LYST: variants seen among roughly 807,000 people sequenced by gnomAD.
The protein encoded by LYST is lysosomal trafficking regulator, also known as lysosomal-trafficking regulator.
In LYST, 192 loss-of-function variants were observed where a neutral mutation model predicts 413.6. That is an observed-to-expected ratio of 0.46 (90% CI 0.41 to 0.52). The LOEUF (loss-of-function observed/expected upper bound fraction) is 0.52, where lower values mean the gene tolerates loss of function less well. LYST is among the 20% of genes least tolerant of loss of function. The pLI is 0.00. For missense variants in LYST, 3,815 were observed against 4,499.9 expected, an observed-to-expected ratio of 0.85 and a Z score of 4.35; for synonymous variants, 1,525 against 1,567.3, an observed-to-expected ratio of 0.97 and a Z score of 0.64.
At chr1:235,748,740 T>C (rs536454339) in intron 28 of LYST, among the ~76,000 whole-genome samples, 118 of 152,304 alleles carry the variant, frequency 7.7e-4, no homozygotes, top group African/African-American at 2.8e-3. Flanking sequence ...AAATGGTATC[T>C]AACTCCTCTA....
intron 17 of LYST, 46 bp from the exon 18 acceptor site, chr1:235,775,132 G>C: frequency 6.9e-7 from 1 of 1,440,830 alleles, no homozygotes; most frequent in Non-Finnish European, 9.7e-7. Context: ...AATTTGCTGA[G>C]AGTAAAAATT....
chr1:235,812,824 G>A lies in LYST; in HGVS notation c.283+147C>T, dbSNP rs562188323. 1.8e-3 allele frequency: 1,211 copies of A among 673,094 alleles called. 8 individuals carry two copies. The highest frequency in any genetic ancestry group is 3.0e-3 in the Middle Eastern group (8 of 2,652). The allele number at this position is 673,094 out of a possible 1,614,324, so 41.7% of individuals were successfully genotyped here. On this transcript the variant is annotated intron_variant, in intron 4 of 52. Coordinates refer to ENST00000389793, the MANE Select transcript of LYST (RefSeq NM_000081.4). ...GTATTATTGAAGGAAAAATGTGTTT[G>A]CCTAAATAATTTTTCATATTTAGTA... is the stretch of plus-strand genomic sequence containing the variant.
chr1:235,862,818 C>G (rs981979079), intron 1 of LYST, among the ~76,000 whole-genome samples: 81 of 132,320 alleles, frequency 6.1e-4, no homozygotes, highest in African/African-American at 2.5e-3. Context: ...CACACACACA[C>G]ACACACACAC....
At chr1:235,868,857 G>A (rs113931667), upstream of LYST, among the ~76,000 whole-genome samples, 437 of 152,032 alleles carry the variant, frequency 2.9e-3, 5 homozygotes, top group African/African-American at 0.01. Context: ...TACCATGCCC[G>A]GCTAATTTTG....
intron 1 of LYST, among the ~76,000 whole-genome samples, chr1:235,848,920 G>A (rs760273253): frequency 2.0e-5 from 3 of 151,792 alleles, no homozygotes; most frequent in Non-Finnish European, 4.4e-5. Context: ...ACAGATTCAC[G>A]GCAGAATTCT....
chr1:235,757,565 G>A, intron 23 of LYST, 107 bp from the exon 24 acceptor site: 1 of 792,278 alleles, frequency 1.3e-6, no homozygotes, highest in East Asian at 2.5e-5. Context: ...TGAAACAAAT[G>A]TTCATAATGC....
At position 235,771,913 on chromosome 1, in the gene LYST, G is replaced by GTTT. The variant is rs1187587312; in HGVS notation, c.5785-1619_5785-1617dup. ...CTAATAGATTAGAAAAGGTTTTTTA[G>GTTT]TTTGTTTTTTTTTTTTTTTTTTTTT... is the stretch of plus-strand genomic sequence containing the variant. On this transcript the variant is annotated intron_variant, in intron 19 of 52. Coordinates refer to ENST00000389793, the MANE Select transcript of LYST (RefSeq NM_000081.4). Among the ~76,000 whole-genome samples the GTTT allele has an allele frequency of 5.4e-4, 51 of 95,170 alleles. 2 individuals carry two copies. The highest frequency in any genetic ancestry group is 1.1e-3 in the African/African-American group (28 of 26,170). The allele number at this position is 95,170 out of a possible 152,430, so 62.4% of individuals were successfully genotyped here.
At chr1:235,805,082 G>C (rs1672664108) in intron 6 of LYST, among the ~76,000 whole-genome samples, 2 of 152,318 alleles carry the variant, frequency 1.3e-5, no homozygotes, top group South Asian at 4.1e-4. Context: ...TTGGCTGACT[G>C]AACAGTTAGG....
In LYST at chr1:235,809,979, G is replaced by A. The variant is rs759864415; in HGVS notation, c.839C>T (p.Pro280Leu). Residue 280 changes from proline (P) to leucine (L), a missense_variant, in exon 5 of 53, where the codon CCT becomes CTT. Physicochemically the swap from Pro to Leu is moderately conservative, Grantham distance 98. Transcript: ENST00000389793. The surrounding 1 kb of genome is among the most constrained non-coding windows in gnomAD (Gnocchi z 4.0). ...KFDVTLNHNS[P>L]LAASVVPTLT... ...TGTGGGCACTACACTGGCTGCTAAA[G>A]GAGAATTATGATTCAAGGTAACGTC... 26 of 1,613,774 alleles carry A rather than the reference G, an allele frequency of 1.6e-5. No homozygotes were observed. Among genetic ancestry groups the A allele is most frequent in the Non-Finnish European group, 2.2e-5 (26 of 1,179,884 alleles).
intron 21 of LYST, 33 bp downstream of exon 21, chr1:235,766,046 T>C (rs1212978921): frequency 1.4e-6 from 2 of 1,474,870 alleles, no homozygotes; most frequent in Non-Finnish European, 1.9e-6. Flanking sequence ...AAAGTGGAAA[T>C]AGCCATGATC....
chr1:235,792,265 C>T, intron 11 of LYST, 140 bp from the exon 12 acceptor site: 1 of 635,438 alleles, frequency 1.6e-6, no homozygotes, highest in Non-Finnish European at 2.7e-6. Context: ...CTATCTCCCA[C>T]ATCTTTAAAA....
In LYST at chr1:235,773,994, A is replaced by G. The variant is rs1271815216; in HGVS notation, c.5635-3T>C. On this transcript the variant is annotated splice_region_variant and splice_polypyrimidine_tract_variant and intron_variant, in intron 18 of 52. Coordinates refer to ENST00000389793, the MANE Select transcript of LYST (RefSeq NM_000081.4). ...CCACAGCATCCTTCAAGAAGGGTCT[A>G]TAGAAAATTAGCATTAATATAAGAT... 1.8e-5 allele frequency: 29 copies of G among 1,594,042 alleles called. No individual in the cohort carries two copies. Among genetic ancestry groups the G allele is most frequent in the Non-Finnish European group, 2.4e-5 (28 of 1,162,054 alleles).
At position 235,809,015 on chromosome 1, in the gene LYST, C is replaced by T. The variant is rs1278394603; in HGVS notation, c.1803G>A (p.Leu601=). The part of the protein sequence containing the change: ...VIIPLLHAFK[L]PALKNFQQHI... Reference sequence around the variant, plus strand: ...GCTGCTGAAAATTTTTCAGTGCTGGCAATTTAAAAGCATGGAGCAAAGGAA... The same window carrying T: ...GCTGCTGAAAATTTTTCAGTGCTGGTAATTTAAAAGCATGGAGCAAAGGAA... The change falls in exon 5 of 53, where the codon TTG becomes TTA. Residue 601 remains leucine (L), a synonymous_variant. Coordinates refer to ENST00000389793, the MANE Select transcript of LYST (RefSeq NM_000081.4). The surrounding 1 kb of genome is among the most constrained non-coding windows in gnomAD (Gnocchi z 4.0). 6.2e-7 allele frequency: 1 copy of T among 1,613,968 alleles called. No individual in the cohort carries two copies. The highest frequency in any genetic ancestry group is 1.7e-5 in the Admixed American group (1 of 60,002).
At chr1:235,717,366 G>T (rs181571082) in intron 40 of LYST, among the ~76,000 whole-genome samples, 1 of 152,314 alleles carries the variant, frequency 6.6e-6, no homozygotes, top group Admixed American at 6.5e-5. Flanking sequence ...TGTAGAGTAT[G>T]TATGCATGCG....
rs1475817173 is a variant in LYST at position 235,662,531 on chromosome 1, A to T, written c.*409T>A. 4.2e-6 allele frequency: 1 copy of T among 239,618 alleles called. No homozygotes were observed. Among genetic ancestry groups the T allele is most frequent in the Non-Finnish European group, 8.3e-6 (1 of 120,234 alleles). The allele number at this position is 239,618 out of a possible 1,614,324, so 14.8% of individuals were successfully genotyped here. A position where few individuals can be genotyped will look rare whatever the true frequency, so the allele number is the denominator to read the frequency against. Reference sequence around the variant, plus strand: ...TGGGAGGAGTATTTCATGGCAGTAAACTTTTAAAATATAATTTTAGTGTGT... The same window carrying T: ...TGGGAGGAGTATTTCATGGCAGTAATCTTTTAAAATATAATTTTAGTGTGT... On this transcript the variant is annotated 3_prime_UTR_variant, in exon 53 of 53. Transcript: ENST00000389793.
Position 235,686,316 on chromosome 1 carries a change from G to C in LYST, c.10800+633C>G, listed in dbSNP as rs149255066. On this transcript the variant is annotated intron_variant, in intron 48 of 52. Transcript: ENST00000389793. This position sits in a 1 kb window ranked among gnomAD's most constrained non-coding sequence, Gnocchi z 4.0. ...CGGGAGGCAGAGGTTGCAGTGAGCT[G>C]AGATTGTGCCATTGCATTCCAGCTT... Among the ~76,000 whole-genome samples, 480 of 152,314 alleles carry C rather than the reference G, an allele frequency of 3.2e-3. 2 individuals are homozygous for C. Among genetic ancestry groups the C allele is most frequent in the Non-Finnish European group, 5.7e-3 (385 of 68,026 alleles).
intron 1 of LYST, among the ~76,000 whole-genome samples, chr1:235,879,598 C>A (rs887907674): frequency 5.3e-5 from 8 of 152,218 alleles, no homozygotes; most frequent in Admixed American, 1.3e-4. Flanking sequence ...CTCATCTTTT[C>A]CCCTCTAATT....
At chr1:235,791,312 G>C (rs914288236) in intron 12 of LYST, among the ~76,000 whole-genome samples, 2 of 151,718 alleles carry the variant, frequency 1.3e-5, no homozygotes, top group African/African-American at 2.4e-5. Context: ...AAAGGAAATG[G>C]GGACTGTCTA....
At chr1:235,814,354 G>A (rs1673805506) in intron 3 of LYST, among the ~76,000 whole-genome samples, 1 of 152,142 alleles carries the variant, frequency 6.6e-6, no homozygotes, top group African/African-American at 2.4e-5. Context: ...AGTAATTGGG[G>A]TGGAAGGCAA....
Sources: gnomAD v4.1 joint callset for allele counts (sites outside exome capture counted in the v4.1 genomes callset) on GRCh38, gnomAD v4.1.1 for gene constraint, Gnocchi (gnomAD v3.1) non-coding constraint, MANE v1.5 for transcripts, NCBI Gene and HGNC (gene_info 2026-07-23, HGNC 2026-07-21) for gene names.